Variants in NID2 observed in about 807,000 individuals in gnomAD.
NID2 encodes nidogen-2.
A neutral mutation model predicts 145.4 loss-of-function variants in NID2; 83 were observed. The ratio of observed to expected loss-of-function variants is 0.57; its 90% CI spans 0.48 to 0.69. The LOEUF is 0.69. NID2 is among the 30% of genes least tolerant of loss of function. NID2 has a pLI of 0.00. For missense variants in NID2, 1,807 were observed against 1,765.7 expected (o/e 1.02, Z -0.42); for synonymous variants, 739 against 701.3 (o/e 1.05, Z -0.85).
Position 52,020,121 on chromosome 14 carries a change from G to A in NID2, c.2732C>T (p.Pro911Leu), listed in dbSNP as rs1891348710. 1.2e-6 allele frequency: 2 copies of A among 1,614,164 alleles called. No homozygotes were observed. The highest frequency in any genetic ancestry group is 1.3e-5 in the African/African-American group (1 of 75,048). The stretch of plus-strand genomic sequence containing the variant: ...TTGACAACGGCAGGAGAAGGAACCA[G>A]GAGTATTGTAGCAGGTAGCTGCAGG... ...CHPAATCYNT[P>L]GSFSCRCQPG... The change falls in exon 13 of 22, where the codon CCT becomes CTT. Residue 911 changes from proline (P) to leucine (L), a missense_variant. Transcript: ENST00000216286.
chr14:52,006,738 G>A, intron 19 of NID2, 78 bp from the exon 20 acceptor site: 1 of 1,454,764 alleles, frequency 6.9e-7, no homozygotes, highest in Non-Finnish European at 9.5e-7. Flanking sequence ...TAGTGACACA[G>A]TGATAGAATG....
chr14:52,045,019 G>A (rs144158410), intron 5 of NID2, among the ~76,000 whole-genome samples: 12 of 152,200 alleles, frequency 7.9e-5, no homozygotes, highest in African/African-American at 1.9e-4. Flanking sequence ...GGTGGGAACC[G>A]AACCTAGGAC....
Position 52,042,196 on chromosome 14 carries a change from C to A in NID2, c.1734G>T (p.Gln578His), listed in dbSNP as rs201705482. Reference sequence around the variant, plus strand: ...CAATTGGTGTGAGGGGGAGGAGGGCCTGGGCTGCTGGCTGTGGGATGTGGC... The same window carrying A: ...CAATTGGTGTGAGGGGGAGGAGGGCATGGGCTGCTGGCTGTGGGATGTGGC... ...AISHIPQPAA[Q>H]ALLPLTPIGG... is the part of the protein sequence containing the mutation. The change falls in exon 7 of 22, where the codon CAG becomes CAT. Residue 578 changes from glutamine (Q) to histidine (H), a missense_variant. Physicochemically the swap from Gln to His is conservative, Grantham distance 24. Transcript: ENST00000216286. The A allele has an allele frequency of 3.7e-6, 6 of 1,614,224 alleles. No homozygotes were observed. In the African/African-American group the frequency reaches 5.3e-5, roughly 14 times the overall value.
intron 9 of NID2, 46 bp from the exon 10 acceptor site, chr14:52,029,736 A>G (rs1245088144): frequency 6.4e-7 from 1 of 1,566,592 alleles, no homozygotes; most frequent in Non-Finnish European, 8.8e-7. Flanking sequence ...GCTATTGGTA[A>G]GCAAATGTCA....
chr14:52,023,669 CACA>C (rs1047320249), intron 12 of NID2, among the ~76,000 whole-genome samples: 3 of 152,110 alleles, frequency 2.0e-5, no homozygotes, highest in Non-Finnish European at 2.9e-5. Flanking sequence ...CTGGCCAAGT[CACA>C]ACAATCCAAA....
intron 2 of NID2, among the ~76,000 whole-genome samples, chr14:52,062,183 A>G (rs1167041702): frequency 1.3e-5 from 2 of 152,250 alleles, no homozygotes; most frequent in Non-Finnish European, 2.9e-5. Flanking sequence ...ATAAAGAAAT[A>G]TAGATGTAAC....
At chr14:52,036,218 A>G (rs571823265) in intron 9 of NID2, among the ~76,000 whole-genome samples, 5 of 152,150 alleles carry the variant, frequency 3.3e-5, no homozygotes, top group Non-Finnish European at 5.9e-5. Context: ...TATGCTTTCT[A>G]TGTATGTGGA....
chr14:52,040,615 C>T, intron 8 of NID2, 36 bp downstream of exon 8: 1 of 1,561,380 alleles, frequency 6.4e-7, no homozygotes. Context: ...TGGGCATAAT[C>T]CCCATTTTAC....
chr14:52,005,404 A>C lies in NID2; in HGVS notation c.*82T>G. The C allele has an allele frequency of 7.4e-7, 1 of 1,358,302 alleles. No individual in the cohort carries two copies. The highest frequency in any genetic ancestry group is 9.8e-7 in the Non-Finnish European group (1 of 1,016,676). 84.1% of individuals were successfully genotyped at this position (1,358,302 alleles called of 1,614,324 possible). ...ACGTCTAATGGCCAATTCCTTTTTT[A>C]CTTTCTTTGCCTTTGCAGTCACTGT... On this transcript the variant is annotated 3_prime_UTR_variant, in exon 22 of 22. Coordinates refer to ENST00000216286, the MANE Select transcript of NID2 (RefSeq NM_007361.4).
chr14:52,061,257 T>C (rs997375861), intron 2 of NID2, among the ~76,000 whole-genome samples: 5 of 152,218 alleles, frequency 3.3e-5, no homozygotes, highest in Admixed American at 3.3e-4. Context: ...TGATTCCCTA[T>C]AGAATAATTT....
Position 52,019,253 on chromosome 14 carries a change from G to A in NID2, c.2836C>T (p.His946Tyr). The A allele has an allele frequency of 6.2e-7, 1 of 1,604,696 alleles. No homozygotes were observed. The highest frequency in any genetic ancestry group is 1.7e-5 in the Admixed American group (1 of 59,882). The part of the protein sequence containing the change: ...SLTPCEQQQR[H>Y]AQAQYAYPGA... ...GGGTAGGCATACTGGGCCTGGGCAT[G>A]GCGCTGCTGTTGTTCACAGGGTGTC... The change falls in exon 14 of 22, where the codon CAT becomes TAT. Residue 946 changes from histidine (H) to tyrosine (Y), a missense_variant. Coordinates refer to ENST00000216286, the MANE Select transcript of NID2 (RefSeq NM_007361.4).
intron 9 of NID2, among the ~76,000 whole-genome samples, chr14:52,030,586 GAAAGAAA>G (rs1566755747): frequency 1.6e-4 from 4 of 24,274 alleles, no homozygotes; most frequent in Admixed American, 5.8e-4. Context: ...GGGAAAGAAA[GAAAGAAA>G]GAAAGAAAGA....
chr14:52,007,288 T>C (rs1890822510), intron 19 of NID2: 1 of 155,662 alleles, frequency 6.4e-6, no homozygotes. Context: ...TTTTATTAGA[T>C]TACAAATTCA....
rs1419771124 is a variant in NID2 at position 52,050,106 on chromosome 14, C to T, written c.1429+3473G>A. ...CCAGGTGTCCTTCCTCCTAACTCATCATGCAGATTGAGATTAAATTAAGCT... is the reference window on the plus strand; with the variant it reads ...CCAGGTGTCCTTCCTCCTAACTCATTATGCAGATTGAGATTAAATTAAGCT... On this transcript the variant is annotated intron_variant, in intron 5 of 21. Transcript: ENST00000216286. Among the ~76,000 whole-genome samples, 4 of 152,210 alleles carry T rather than the reference C, an allele frequency of 2.6e-5. No individual in the cohort carries two copies. In the East Asian group the frequency reaches 7.7e-4, roughly 29 times the overall value.
At chr14:52,052,338 T>A (rs1037209011) in intron 5 of NID2, among the ~76,000 whole-genome samples, 3 of 152,190 alleles carry the variant, frequency 2.0e-5, no homozygotes, top group African/African-American at 4.8e-5. Context: ...CTGTTTTAAA[T>A]CTTCTAAAAT....
rs1352611203 is a variant in NID2 at position 52,068,867 on chromosome 14, C to G, written c.128G>C (p.Trp43Ser). 1.2e-6 allele frequency: 2 copies of G among 1,613,944 alleles called. No individual in the cohort carries two copies. Among genetic ancestry groups the G allele is most frequent in the Non-Finnish European group, 1.7e-6 (2 of 1,180,040 alleles). Residue 43 changes from tryptophan (W) to serine (S), a missense_variant, in exon 1 of 22, where the codon TGG becomes TCG. Trp to Ser is a radical substitution (Grantham distance 177). Transcript: ENST00000216286. The stretch of plus-strand genomic sequence containing the variant: ...GCCTTCCTGCAGGAGCTGGTCCCCC[C>G]ACGACTCCCCGTGTGGGAAGAGCTC... ...PDELFPHGES[W>S]GDQLLQEGDD... is the part of the protein sequence containing the mutation.
rs914392040 is a variant in NID2 at position 52,011,982 on chromosome 14, G to A, written c.3421-299C>T. ...TTAATACTATAAGTGCTTGTAAAGTGTCCTAATCAGTAATTGGCATACAGT... is the reference window on the plus strand; with the variant it reads ...TTAATACTATAAGTGCTTGTAAAGTATCCTAATCAGTAATTGGCATACAGT... On this transcript the variant is annotated intron_variant, in intron 16 of 21. Transcript: ENST00000216286. The A allele has an allele frequency of 3.4e-5, 9 of 264,210 alleles. No homozygotes were observed. The Admixed American group carries it at 3.6e-4, about 11-fold the overall frequency. 16.4% of individuals were successfully genotyped at this position (264,210 alleles called of 1,614,324 possible).
chr14:52,020,957 C>T (rs1282393861), intron 12 of NID2, among the ~76,000 whole-genome samples: 2 of 152,144 alleles, frequency 1.3e-5, no homozygotes, highest in East Asian at 3.9e-4. Context: ...ACTTACATTC[C>T]TTTTATTTAA....
At chr14:52,017,233 C>T (rs1201698030) in intron 14 of NID2, among the ~76,000 whole-genome samples, 2 of 152,194 alleles carry the variant, frequency 1.3e-5, no homozygotes. Context: ...AAATGGGTGT[C>T]CCAAATCACT....
Sources: allele counts gnomAD v4.1 joint callset (sites outside exome capture counted in the v4.1 genomes callset), GRCh38; gene constraint gnomAD v4.1.1; transcripts MANE v1.5; gene names NCBI Gene and HGNC (gene_info 2026-07-23, HGNC 2026-07-21).